DSCAML1: variants seen among roughly 807,000 people sequenced by gnomAD.
The protein encoded by DSCAML1 is DS cell adhesion molecule like 1, also known as cell adhesion molecule DSCAML1.
In DSCAML1, 38 loss-of-function variants were observed where a neutral mutation model predicts 200.5. The observed-to-expected ratio is 0.19, with a 90% CI of 0.15 to 0.25. The LOEUF (loss-of-function observed/expected upper bound fraction) is 0.25. Ranked by LOEUF, DSCAML1 falls within the 10% of genes least tolerant of loss-of-function variation. The pLI, the probability that DSCAML1 is intolerant of heterozygous loss-of-function variation, is 1.00. For missense variants in DSCAML1, 2,223 were observed against 2,858.8 expected, an observed-to-expected ratio of 0.78 and a Z score of 5.07; for synonymous variants, 1,215 against 1,165.0, an observed-to-expected ratio of 1.04 and a Z score of -0.87.
chr11:117,640,489 A>T (rs2052385472), intron 3 of DSCAML1, among the ~76,000 whole-genome samples: 1 of 152,178 alleles, frequency 6.6e-6, no homozygotes, highest in Non-Finnish European at 1.5e-5. Flanking sequence ...CAGGACTGAA[A>T]GCCAGCCTCT....
At chr11:117,657,084 C>A (rs1363855349) in intron 3 of DSCAML1, among the ~76,000 whole-genome samples, 1 of 152,218 alleles carries the variant, frequency 6.6e-6, no homozygotes, top group African/African-American at 2.4e-5. Context: ...GGGCGCTCCA[C>A]AGGTGACAGA....
intron 3 of DSCAML1, among the ~76,000 whole-genome samples, chr11:117,589,420 C>T (rs1405666638): frequency 6.6e-6 from 1 of 152,188 alleles, no homozygotes; most frequent in Non-Finnish European, 1.5e-5. Context: ...TCCCACCTCC[C>T]CCAACTCAAT....
intron 3 of DSCAML1, among the ~76,000 whole-genome samples, chr11:117,693,101 T>C (rs1299812260): frequency 2.0e-5 from 3 of 152,150 alleles, no homozygotes; most frequent in African/African-American, 7.2e-5. Context: ...TGCTTTGGAA[T>C]CTAACTTTAA....
chr11:117,768,147 C>T (rs1277878114), intron 3 of DSCAML1, among the ~76,000 whole-genome samples: 1 of 152,134 alleles, frequency 6.6e-6, no homozygotes, highest in African/African-American at 2.4e-5. Context: ...GCACTTGGAG[C>T]AAATTAGACA....
chr11:117,608,363 T>G (rs189947431), intron 3 of DSCAML1, among the ~76,000 whole-genome samples: 1 of 151,910 alleles, frequency 6.6e-6, no homozygotes, highest in Admixed American at 6.5e-5. Context: ...ATATTGAAAA[T>G]TATAAAAGAA....
intron 3 of DSCAML1, among the ~76,000 whole-genome samples, chr11:117,593,506 A>C (rs965669808): frequency 1.3e-5 from 2 of 152,180 alleles, no homozygotes; most frequent in African/African-American, 4.8e-5. Context: ...CCTGTCTGCC[A>C]CCGGGGCCTG....
chr11:117,461,201 C>G (rs796784835), intron 18 of DSCAML1, among the ~76,000 whole-genome samples: 6 of 151,988 alleles, frequency 3.9e-5, no homozygotes, highest in Non-Finnish European at 5.9e-5. Flanking sequence ...ACCACCCCCC[C>G]ACCTTGCTCC....
In DSCAML1 at chr11:117,780,298, AAGAAAGAG is replaced by A. The variant is rs1565281011; in HGVS notation, c.364+187_364+194del. ...AAAGAAAGAAAGAAAGAAAGAAAGA[AAGAAAGAG>A]AGAAAGGAGAAAGAAAGGTGTCTCT... is the stretch of plus-strand genomic sequence containing the variant. On this transcript the variant is annotated intron_variant, in intron 2 of 32. Coordinates refer to ENST00000651296, the MANE Select transcript of DSCAML1 (RefSeq NM_020693.4). The surrounding 1 kb of genome is among the most constrained non-coding windows in gnomAD (Gnocchi z 4.8). Among the ~76,000 whole-genome samples the A allele has an allele frequency of 2.2e-4, 25 of 111,188 alleles. No homozygotes were observed. The highest frequency in any genetic ancestry group is 1.5e-3 in the East Asian group (6 of 3,912). 72.9% of individuals were successfully genotyped at this position (111,188 alleles called of 152,430 possible).
At chr11:117,586,757 C>CAAAG (rs2051152593) in intron 3 of DSCAML1, among the ~76,000 whole-genome samples, 1 of 152,218 alleles carries the variant, frequency 6.6e-6, no homozygotes, top group Admixed American at 6.5e-5. Context: ...CTGGGCAATA[C>CAAAG]AAAGATTCCT....
At chr11:117,456,200 C>T (rs1229421270) in intron 19 of DSCAML1, among the ~76,000 whole-genome samples, 2 of 152,176 alleles carry the variant, frequency 1.3e-5, no homozygotes, top group Non-Finnish European at 2.9e-5. Flanking sequence ...TGGTGTGATG[C>T]CTAGGGCTGC....
chr11:117,784,159 T>C (rs2055310413), intron 1 of DSCAML1, among the ~76,000 whole-genome samples: 1 of 152,222 alleles, frequency 6.6e-6, no homozygotes, highest in Non-Finnish European at 1.5e-5. Flanking sequence ...TGTGAGCTTC[T>C]GTCTTCTGAG....
At chr11:117,733,834 A>C (rs1248539724) in intron 3 of DSCAML1, among the ~76,000 whole-genome samples, 1 of 150,284 alleles carries the variant, frequency 6.7e-6, no homozygotes, top group Non-Finnish European at 1.5e-5. Context: ...TCTGGGCCTC[A>C]AATCTCAGGG....
At position 117,428,552 on chromosome 11, in the gene DSCAML1, G is replaced by C. The variant is rs750034909; in HGVS notation, c.5938C>G (p.Pro1980Ala). ...GGGGCTGGGGGGGCTGTGCCGGCTGGGGGGGCTGGCATGGCCAGAGTCCTC... is the reference window on the plus strand; with the variant it reads ...GGGGCTGGGGGGGCTGTGCCGGCTGCGGGGGCTGGCATGGCCAGAGTCCTC... ...PQRTLAMPAP[P>A]AGTAPPAPGP... Residue 1980 changes from proline (P) to alanine (A), a missense_variant, in exon 33 of 33, where the codon CCA (proline) becomes GCA (alanine). Transcript: ENST00000651296. 1.1e-5 allele frequency: 17 copies of C among 1,544,558 alleles called. No homozygotes were observed. The highest frequency in any genetic ancestry group is 6.8e-5 in the African/African-American group (5 of 73,304).
chr11:117,559,130 A>AACAGACAGAAAGAAAGAAAG (rs879310100), intron 3 of DSCAML1, among the ~76,000 whole-genome samples: 6,157 of 151,928 alleles, frequency 0.041, 193 homozygotes, highest in African/African-American at 0.09. Context: ...AAGACAGAAA[A>AACAGACAGAAAGAAAGAAAG]ACAGACACAA....
At chr11:117,772,052 G>T (rs1216984466) in intron 3 of DSCAML1, among the ~76,000 whole-genome samples, 1 of 152,156 alleles carries the variant, frequency 6.6e-6, no homozygotes, top group Admixed American at 6.5e-5. Flanking sequence ...AGTACTGTCT[G>T]CCCGGCAGGC....
chr11:117,459,326 T>C (rs77276678), intron 18 of DSCAML1, among the ~76,000 whole-genome samples: 2 of 152,350 alleles, frequency 1.3e-5, no homozygotes, highest in East Asian at 3.9e-4. Flanking sequence ...CAGCAGCCAC[T>C]CTTCCTGCTG....
At chr11:117,561,389 T>C (rs1182112233) in intron 3 of DSCAML1, among the ~76,000 whole-genome samples, 2 of 152,198 alleles carry the variant, frequency 1.3e-5, no homozygotes, top group African/African-American at 4.8e-5. Context: ...CAGATGACTC[T>C]TCAGACCTCG....
intron 3 of DSCAML1, among the ~76,000 whole-genome samples, chr11:117,702,054 C>T (rs1335715910): frequency 2.0e-5 from 3 of 152,192 alleles, no homozygotes; most frequent in African/African-American, 7.2e-5. Flanking sequence ...ACCCCTCCTC[C>T]CAACACCTCA....
intron 1 of DSCAML1, among the ~76,000 whole-genome samples, chr11:117,788,322 T>TTG (rs1565285897): frequency 6.6e-6 from 1 of 152,050 alleles, no homozygotes; most frequent in East Asian, 1.9e-4. Flanking sequence ...TGTTTTTGTT[T>TTG]TTGTTGTTGT....
Sources: allele counts gnomAD v4.1 joint callset (sites outside exome capture counted in the v4.1 genomes callset), GRCh38; gene constraint gnomAD v4.1.1; non-coding constraint Gnocchi (gnomAD v3.1); transcripts MANE v1.5; gene names NCBI Gene and HGNC (gene_info 2026-07-23, HGNC 2026-07-21).